The following TRAPPC9 variants were observed in gnomAD, a reference collection of about 807,000 sequenced individuals.
TRAPPC9 encodes the protein trafficking protein particle complex subunit 9, also known as IKK2 binding protein.
In TRAPPC9, 83 loss-of-function variants were observed where a neutral mutation model predicts 124.0. The ratio of observed to expected loss-of-function variants is 0.67; its 90% CI spans 0.56 to 0.80. TRAPPC9 has a LOEUF of 0.80. TRAPPC9 is among the 30% of genes least tolerant of loss of function. The pLI is 0.00. For synonymous variants in TRAPPC9, 638 were observed against 617.5 expected, an observed-to-expected ratio of 1.03 and a Z score of -0.49; for missense variants, 1,302 against 1,508.3, an observed-to-expected ratio of 0.86 and a Z score of 2.27.
At chr8:140,038,979 G>A (rs1390535856) in intron 17 of TRAPPC9, among the ~76,000 whole-genome samples, 1 of 152,224 alleles carries the variant, frequency 6.6e-6, no homozygotes, top group Non-Finnish European at 1.5e-5. Flanking sequence ...CAGAGCTGGG[G>A]AAGGAGCGGA....
intron 21 of TRAPPC9, among the ~76,000 whole-genome samples, chr8:139,743,343 A>G (rs972320755): frequency 7.9e-5 from 12 of 152,208 alleles, no homozygotes; most frequent in Non-Finnish European, 1.6e-4. Flanking sequence ...GGCGAGAAAC[A>G]GGGGACTAAG....
intron 21 of TRAPPC9, among the ~76,000 whole-genome samples, chr8:139,857,957 T>G (rs113523137): frequency 0.013 from 1,980 of 152,314 alleles, 17 homozygotes; most frequent in Non-Finnish European, 0.022. Flanking sequence ...CCTTCCCAGT[T>G]GTCCACTGTG....
Position 140,410,628 on chromosome 8 carries a change from G to A in TRAPPC9, c.887-4930C>T, listed in dbSNP as rs2069672325. Among the ~76,000 whole-genome samples, 4 of 152,262 alleles carry A rather than the reference G, an allele frequency of 2.6e-5. No homozygotes were observed. The South Asian group carries it at 8.3e-4, about 32-fold the overall frequency. On this transcript the variant is annotated intron_variant, in intron 5 of 22. Coordinates refer to ENST00000438773, the MANE Select transcript of TRAPPC9 (RefSeq NM_001160372.4). ...GAAGGCCGAGGCGGGCGGACCACAA[G>A]GTCAGGAGATCAAAACCATCCTGGC... is the stretch of plus-strand genomic sequence containing the variant.
chr8:139,810,668 G>T (rs1425869261), intron 21 of TRAPPC9, among the ~76,000 whole-genome samples: 1 of 152,166 alleles, frequency 6.6e-6, no homozygotes, highest in Non-Finnish European at 1.5e-5. Flanking sequence ...GAAGCCTCTG[G>T]ACTCAAGATT....
At chr8:139,905,242 C>T (rs192258486) in intron 20 of TRAPPC9, among the ~76,000 whole-genome samples, 6 of 148,446 alleles carry the variant, frequency 4.0e-5, no homozygotes, top group Non-Finnish European at 9.0e-5. Flanking sequence ...AGGTCTGGGT[C>T]GGGGGGCTGG....
chr8:140,373,329 G>T (rs1248105804), intron 7 of TRAPPC9, among the ~76,000 whole-genome samples: 1 of 152,210 alleles, frequency 6.6e-6, no homozygotes, highest in Middle Eastern at 3.2e-3. Flanking sequence ...TATGAGGCAG[G>T]CTGTACTAGG....
At chr8:140,094,189 TG>T (rs1351360885) in intron 17 of TRAPPC9, among the ~76,000 whole-genome samples, 2 of 152,146 alleles carry the variant, frequency 1.3e-5, no homozygotes, top group African/African-American at 4.8e-5. Context: ...GGAGGAGACA[TG>T]GTGGTCACTT....
At chr8:139,890,771 C>T (rs141331211) in intron 20 of TRAPPC9, among the ~76,000 whole-genome samples, 9 of 151,970 alleles carry the variant, frequency 5.9e-5, no homozygotes, top group South Asian at 2.1e-4. Flanking sequence ...GGGTGCAGCA[C>T]ACCAGCATGG....
intron 20 of TRAPPC9, among the ~76,000 whole-genome samples, chr8:139,898,824 A>G (rs116329654): frequency 0.014 from 2,136 of 152,264 alleles, 40 homozygotes; most frequent in African/African-American, 0.048. Context: ...ATACACATTG[A>G]AAAAACAGAA....
chr8:139,778,393 T>C (rs1311442223), intron 21 of TRAPPC9, among the ~76,000 whole-genome samples: 1 of 152,178 alleles, frequency 6.6e-6, no homozygotes, highest in East Asian at 1.9e-4. Flanking sequence ...AAATTTATAA[T>C]GTCTGGCACC....
chr8:139,735,951 G>C (rs1818137169), intron 21 of TRAPPC9, among the ~76,000 whole-genome samples: 1 of 152,238 alleles, frequency 6.6e-6, no homozygotes, highest in Non-Finnish European at 1.5e-5. Flanking sequence ...CAGGGGTTGT[G>C]GGCAGAGCCA....
At chr8:139,864,703 C>T (rs186547335) in intron 21 of TRAPPC9, among the ~76,000 whole-genome samples, 1 of 118,232 alleles carries the variant, frequency 8.5e-6, no homozygotes, top group African/African-American at 2.6e-5. Flanking sequence ...CGCCAGCAAG[C>T]CCTGCAGGGC....
intron 18 of TRAPPC9, among the ~76,000 whole-genome samples, chr8:140,019,876 C>G (rs952770519): frequency 6.6e-6 from 1 of 152,038 alleles, no homozygotes; most frequent in Admixed American, 6.6e-5. Context: ...TTTTAAGAGA[C>G]AGGCACCTTC....
intron 16 of TRAPPC9, among the ~76,000 whole-genome samples, chr8:140,226,325 C>A (rs571973330): frequency 6.6e-6 from 1 of 152,238 alleles, no homozygotes; most frequent in South Asian, 2.1e-4. Context: ...AGCGTGGTGG[C>A]TCACACCTGT....
At chr8:139,886,245 C>T (rs1830007510) in intron 20 of TRAPPC9, among the ~76,000 whole-genome samples, 1 of 152,162 alleles carries the variant, frequency 6.6e-6, no homozygotes, top group Admixed American at 6.5e-5. Context: ...TAATTTTAAT[C>T]CAACAACTAT....
At chr8:139,853,035 G>T (rs117279780) in intron 21 of TRAPPC9, among the ~76,000 whole-genome samples, 1 of 152,174 alleles carries the variant, frequency 6.6e-6, no homozygotes. Flanking sequence ...CTTCTTTCCC[G>T]TGAGTCTAGG....
At chr8:139,920,785 G>A (rs1832456811) in intron 19 of TRAPPC9, among the ~76,000 whole-genome samples, 1 of 152,250 alleles carries the variant, frequency 6.6e-6, no homozygotes, top group South Asian at 2.1e-4. Context: ...AGCAGCACCT[G>A]CAGAGGCAGC....
chr8:140,076,236 C>T (rs1288702565), intron 17 of TRAPPC9, among the ~76,000 whole-genome samples: 1 of 152,208 alleles, frequency 6.6e-6, no homozygotes, highest in East Asian at 1.9e-4. Flanking sequence ...CTATAAATGT[C>T]CACTTGATGA....
intron 21 of TRAPPC9, among the ~76,000 whole-genome samples, chr8:139,796,032 AG>A (rs1409835288): frequency 6.8e-6 from 1 of 147,608 alleles, no homozygotes. Context: ...GAGGAAGAGG[AG>A]GAGGAAGAGG....
Sources: allele counts gnomAD v4.1 joint callset (sites outside exome capture counted in the v4.1 genomes callset), GRCh38; gene constraint gnomAD v4.1.1; transcripts MANE v1.5; gene names NCBI Gene and HGNC (gene_info 2026-07-23, HGNC 2026-07-21).